MACF1: variants seen among roughly 807,000 people sequenced by gnomAD.
MACF1 encodes the protein microtubule actin crosslinking factor 1, also known as microtubule-actin cross-linking factor 1.
Under a neutral mutation model 854.8 loss-of-function variants are expected in MACF1, and 193 were observed. The observed-to-expected ratio is 0.23, with a 90% CI of 0.20 to 0.25. MACF1 has a LOEUF of 0.25. Among genes scored for constraint, MACF1 ranks in the 10% least tolerant of loss-of-function variants. The pLI is 1.00. For synonymous variants in MACF1, 3,185 were observed against 3,226.7 expected, an observed-to-expected ratio of 0.99 and a Z score of 0.44; for missense variants, 7,722 against 8,929.1, an observed-to-expected ratio of 0.86 and a Z score of 5.45.
At chr1:39,212,298 C>T (rs1186517601) in intron 1 of MACF1, among the ~76,000 whole-genome samples, 1 of 152,184 alleles carries the variant, frequency 6.6e-6, no homozygotes, top group Non-Finnish European at 1.5e-5. Context: ...AATCAAAGTC[C>T]TCTCCTCCAT....
intron 2 of MACF1, among the ~76,000 whole-genome samples, chr1:39,113,955 G>A (rs1642479357): frequency 1.3e-5 from 2 of 151,916 alleles, no homozygotes; most frequent in South Asian, 2.1e-4. Flanking sequence ...AGAATCGCTT[G>A]AACCCAGGAG....
chr1:39,293,755 C>T (rs1406715039), intron 18 of MACF1, 136 bp downstream of exon 18: 1 of 683,272 alleles, frequency 1.5e-6, no homozygotes, highest in Non-Finnish European at 2.4e-6. Context: ...TCAATGCATC[C>T]ATGCATGTGA....
At chr1:39,183,207 A>G (rs1346471194) in intron 2 of MACF1, among the ~76,000 whole-genome samples, 1 of 152,214 alleles carries the variant, frequency 6.6e-6, no homozygotes, top group Non-Finnish European at 1.5e-5. Flanking sequence ...GGCGAATGGG[A>G]AGTGACTGCT....
rs774114149 is a variant in MACF1 at position 39,254,357 on chromosome 1, C to T, written c.417C>T (p.Asp139=). Reference sequence around the variant, plus strand: ...TGCAGAATGTGCAGATTGCCCTGGACTTCCTAAAGCAGCGACAGGTAAGAC... The same window carrying T: ...TGCAGAATGTGCAGATTGCCCTGGATTTCCTAAAGCAGCGACAGGTAAGAC... ...HRLQNVQIAL[D]FLKQRQVKLV... is the part of the protein sequence containing the mutation. The change falls in exon 5 of 101, where the codon GAC becomes GAT. Residue 139 remains aspartate (D), a synonymous_variant. Coordinates refer to ENST00000564288, the MANE Select transcript of MACF1 (RefSeq NM_001394062.1). 22 of 1,614,174 alleles carry T rather than the reference C, an allele frequency of 1.4e-5. No homozygotes were observed. The highest frequency in any genetic ancestry group is 6.7e-5 in the Admixed American group (4 of 60,024).
intron 2 of MACF1, among the ~76,000 whole-genome samples, chr1:39,171,036 TGTGACTGTAGG>T (rs1439174941): frequency 5.3e-5 from 8 of 152,192 alleles, no homozygotes; most frequent in Non-Finnish European, 1.0e-4. Context: ...GGCTTGTGAT[TGTGACTGTAGG>T]GCTGGCTCTA....
chr1:39,412,210 A>AGG, intron 58 of MACF1: 1 of 1,613,946 alleles, frequency 6.2e-7, no homozygotes, highest in Non-Finnish European at 8.5e-7. Context: ...GTGCATTGAG[A>AGG]GGGTCACCTT....
At position 39,285,314 on chromosome 1, in the gene MACF1, A is replaced by G; in HGVS notation, c.1277A>G (p.Gln426Arg). ...TATTTCAGGCTGGAATTGCTGCTAC[A>G]GATTGCAAACAAAATCCAGAATGGT... is the stretch of plus-strand genomic sequence containing the variant. Reference protein sequence around the residue: ...PAVERLELLLQIANKIQNGAL... With the variant: ...PAVERLELLLRIANKIQNGAL... Residue 426 changes from glutamine to arginine, a missense_variant, in exon 13 of 101, where the codon CAG becomes CGG. By Grantham distance (43) the Gln-to-Arg change is conservative. Transcript: ENST00000564288. 3.7e-6 allele frequency: 6 copies of G among 1,614,220 alleles called. No homozygotes were observed.
intron 2 of MACF1, chr1:39,102,962 A>T: frequency 1.4e-6 from 1 of 701,312 alleles, no homozygotes; most frequent in South Asian, 1.5e-5. Flanking sequence ...TCTCTGTATA[A>T]AACAGGAACA....
intron 2 of MACF1, among the ~76,000 whole-genome samples, chr1:39,236,371 T>G (rs908185270): frequency 6.6e-6 from 1 of 152,188 alleles, no homozygotes; most frequent in Non-Finnish European, 1.5e-5. Flanking sequence ...CTTTGTTCAT[T>G]CTGCTCCCTG....
intron 2 of MACF1, among the ~76,000 whole-genome samples, chr1:39,121,274 A>G (rs1191584784): frequency 6.6e-6 from 1 of 152,084 alleles, no homozygotes; most frequent in Non-Finnish European, 1.5e-5. Flanking sequence ...TGGGTTTTAA[A>G]AAAGTTTAAA....
chr1:39,294,995 G>T, intron 18 of MACF1, 51 bp from the exon 19 acceptor site: 1 of 1,309,082 alleles, frequency 7.6e-7, no homozygotes, highest in Non-Finnish European at 1.1e-6. Context: ...TATGCTATCC[G>T]CTCCCCACTG....
chr1:39,450,951 C>A (rs2148678811), intron 84 of MACF1, 101 bp from the exon 85 acceptor site: 1 of 1,329,662 alleles, frequency 7.5e-7, no homozygotes, highest in Non-Finnish European at 1.1e-6. Context: ...AAGTCACTCT[C>A]TATATAGGGT....
At position 39,334,410 on chromosome 1, in the gene MACF1, G is replaced by A; in HGVS notation, c.7822G>A (p.Ala2608Thr). 1 of 1,613,994 alleles carries A rather than the reference G, an allele frequency of 6.2e-7. No homozygotes were observed. The highest frequency in any genetic ancestry group is 2.2e-5 in the East Asian group (1 of 44,870). Residue 2608 changes from alanine (A) to threonine (T), a missense_variant, in exon 37 of 101, where the codon GCA becomes ACA. By Grantham distance (58) the Ala-to-Thr change is moderately conservative. This residue lies in a region of MACF1 where 1,531 missense variants were observed against 1,601.6 expected (regional missense o/e 0.96). Coordinates refer to ENST00000564288, the MANE Select transcript of MACF1 (RefSeq NM_001394062.1). ...AKKEGLLTNE[A>T]VLSPGMMHGI... ...AAAAGAAGGACTGTTAACTAATGAAGCAGTATTGTCTCCAGGAATGATGCA... is the reference window on the plus strand; with the variant it reads ...AAAAGAAGGACTGTTAACTAATGAAACAGTATTGTCTCCAGGAATGATGCA...
At chr1:39,425,729 T>A (rs1043124026) in intron 61 of MACF1, among the ~76,000 whole-genome samples, 2 of 152,190 alleles carry the variant, frequency 1.3e-5, no homozygotes, top group Non-Finnish European at 2.9e-5. Context: ...TCTATAAAAC[T>A]TACCTTTATT....
chr1:39,480,753 T>C (rs925518402), intron 98 of MACF1, among the ~76,000 whole-genome samples, 167 bp from the exon 99 acceptor site: 1 of 152,258 alleles, frequency 6.6e-6, no homozygotes, highest in Non-Finnish European at 1.5e-5. Flanking sequence ...ATGATGTTAG[T>C]GCCTGCCTGG....
At position 39,387,327 on chromosome 1, in the gene MACF1, C is replaced by T. The variant is rs1473993598; in HGVS notation, c.14485C>T (p.Leu4829=). ...CCCAATTTCTGCAAAATTGGAGCGGCTACAGTCTCAGCTACAGGAGAATGA... is the reference window on the plus strand; with the variant it reads ...CCCAATTTCTGCAAAATTGGAGCGGTTACAGTCTCAGCTACAGGAGAATGA... ...NCPISAKLER[L]QSQLQENEEF... Residue 4829 remains leucine (L), a synonymous_variant, in exon 58 of 101, where the codon CTA becomes TTA. Coordinates refer to ENST00000564288, the MANE Select transcript of MACF1 (RefSeq NM_001394062.1). The T allele has an allele frequency of 6.2e-7, 1 of 1,614,092 alleles. No individual in the cohort carries two copies. The highest frequency in any genetic ancestry group is 8.5e-7 in the Non-Finnish European group (1 of 1,180,052).
chr1:39,385,358 G>A (rs1475163276), intron 56 of MACF1, 76 bp from the exon 57 acceptor site: 9 of 1,513,458 alleles, frequency 5.9e-6, no homozygotes, highest in Non-Finnish European at 8.1e-6. Flanking sequence ...ATGAGCCACT[G>A]TGCCTGGCCT....
At chr1:39,185,514 A>AAT (rs1553159346) in intron 2 of MACF1, among the ~76,000 whole-genome samples, 3 of 149,790 alleles carry the variant, frequency 2.0e-5, no homozygotes, top group Non-Finnish European at 4.4e-5. Context: ...AAAAAAAAAA[A>AAT]TTTTTTTTTT....
chr1:39,361,599 C>T lies in MACF1; in HGVS notation c.12693C>T (p.Phe4231=). The change falls in exon 49 of 101, where the codon TTC becomes TTT. Residue 4231 remains phenylalanine (F), a synonymous_variant. Transcript: ENST00000564288. ...FEHLSGKLQQ[F]MENKSRMLAS... is the part of the protein sequence containing the mutation. ...ACCTCTCTGGTAAGCTGCAGCAGTTCATGGAAAACAAAAGTCGGATGCTGG... is the reference window on the plus strand; with the variant it reads ...ACCTCTCTGGTAAGCTGCAGCAGTTTATGGAAAACAAAAGTCGGATGCTGG... 5.0e-6 allele frequency: 8 copies of T among 1,614,138 alleles called. No homozygotes were observed. The highest frequency in any genetic ancestry group is 6.8e-6 in the Non-Finnish European group (8 of 1,180,022).
Sources: gnomAD v4.1 joint callset for allele counts (sites outside exome capture counted in the v4.1 genomes callset) on GRCh38, gnomAD v4.1.1 for gene constraint, gnomAD v4.1.1 regional missense constraint, MANE v1.5 for transcripts, NCBI Gene and HGNC (gene_info 2026-07-23, HGNC 2026-07-21) for gene names.